TRPV2: variants seen among roughly 807,000 people sequenced by gnomAD.
The protein encoded by TRPV2 is OTRPC2.
TRPV2 carries 58 observed loss-of-function variants against 91.0 expected under a neutral mutation model. That is an observed-to-expected ratio of 0.64 (90% CI 0.52 to 0.79). The LOEUF (loss-of-function observed/expected upper bound fraction) is 0.79, where lower values mean the gene tolerates loss of function less well. TRPV2 is among the 30% of genes least tolerant of loss of function. The pLI is 0.00. For missense variants in TRPV2, 807 were observed against 969.6 expected (o/e 0.83, Z 2.23); for synonymous variants, 417 against 414.8 (o/e 1.01, Z -0.06).
chr17:16,427,311 T>C, intron 7 of TRPV2, 138 bp from the exon 8 acceptor site: 1 of 732,444 alleles, frequency 1.4e-6, no homozygotes, highest in East Asian at 2.6e-5. Context: ...GGTCCTTCCC[T>C]GGAGCCCATG....
At chr17:16,429,113 G>C (rs1033899898) in intron 10 of TRPV2, 131 bp downstream of exon 10, 2 of 1,035,894 alleles carry the variant, frequency 1.9e-6, no homozygotes, top group African/African-American at 1.6e-5. Context: ...GATGCTTGCT[G>C]GATGGAAGCT....
In TRPV2 at chr17:16,431,857, G is replaced by T. The variant is rs747857119; in HGVS notation, c.1654+7G>T. 1.9e-6 allele frequency: 3 copies of T among 1,614,020 alleles called. No individual in the cohort carries two copies. The highest frequency in any genetic ancestry group is 3.3e-5 in the Admixed American group (2 of 60,006). The stretch of plus-strand genomic sequence containing the variant: ...CTTTTCGGCTTCGCTGTAGGTAAAG[G>T]CTCCCTCCGGCCCCCTCCCCCTTCC... On this transcript the variant is annotated splice_region_variant and intron_variant, in intron 11 of 14. Coordinates refer to ENST00000338560, the MANE Select transcript of TRPV2 (RefSeq NM_016113.5).
In TRPV2 at chr17:16,426,923, T is replaced by G. The variant is rs781691649; in HGVS notation, c.1251+46T>G. On this transcript the variant is annotated intron_variant, in intron 7 of 14. Transcript: ENST00000338560. This position sits in a 1 kb window ranked among gnomAD's most constrained non-coding sequence, Gnocchi z 6.0. ...GGGGCACATCTTGGGGGAGGCCTGC[T>G]TGAAACAACCCTGGGGGAAGATGGG... The G allele has an allele frequency of 1.9e-6, 3 of 1,589,470 alleles. No homozygotes were observed. The Admixed American group carries it at 5.2e-5, about 27-fold the overall frequency.
intron 2 of TRPV2, chr17:16,419,311 C>A (rs1347268647): frequency 4.2e-6 from 2 of 470,776 alleles, no homozygotes; most frequent in Non-Finnish European, 8.8e-6. Flanking sequence ...GACAAGCTAC[C>A]AGATCCCTTC....
At chr17:16,421,005 A>G (rs1023420389) in intron 3 of TRPV2, among the ~76,000 whole-genome samples, 9 of 152,204 alleles carry the variant, frequency 5.9e-5, no homozygotes, top group African/African-American at 2.2e-4. Flanking sequence ...TCCTCCACTT[A>G]ATACATCTTG....
In TRPV2 at chr17:16,432,043, A is replaced by G. The variant is rs574882929; in HGVS notation, c.1732A>G (p.Met578Val). The G allele has an allele frequency of 1.3e-3, 2,178 of 1,613,648 alleles. 39 individuals carry two copies. In the South Asian group the frequency reaches 0.022, roughly 17 times the overall value. Residue 578 changes from methionine (M) to valine (V), a missense_variant, in exon 12 of 15, where the codon ATG (methionine) becomes GTG (valine). Transcript: ENST00000338560. ...GPNATESVQP[M>V]EGQEDEGNGA... Reference sequence around the variant, plus strand: ...CAATGCCACAGAGTCAGTGCAGCCCATGGAGGGACAGGAGGACGAGGGCAA... The same window carrying G: ...CAATGCCACAGAGTCAGTGCAGCCCGTGGAGGGACAGGAGGACGAGGGCAA...
Position 16,423,480 on chromosome 17 carries a change from C to A in TRPV2, c.637C>A (p.Leu213Ile). Reference sequence around the variant, plus strand: ...CTCTTGGCCTGCAGGTGAGCTACCCCTCTCTTTGGCCGCTTGCACCAAGCA... The same window carrying A: ...CTCTTGGCCTGCAGGTGAGCTACCCATCTCTTTGGCCGCTTGCACCAAGCA... Reference protein sequence around the residue: ...GTCFYFGELPLSLAACTKQWD... With the variant: ...GTCFYFGELPISLAACTKQWD... The change falls in exon 5 of 15, where the codon CTC becomes ATC. Residue 213 changes from leucine to isoleucine, a missense_variant. Physicochemically the swap from Leu to Ile is conservative, Grantham distance 5 (BLOSUM62 2). Transcript: ENST00000338560. 6.2e-7 allele frequency: 1 copy of A among 1,606,468 alleles called. No individual in the cohort carries two copies. The highest frequency in any genetic ancestry group is 8.5e-7 in the Non-Finnish European group (1 of 1,175,124).
intron 2 of TRPV2, chr17:16,419,497 G>C: frequency 4.4e-6 from 2 of 450,988 alleles, no homozygotes; most frequent in South Asian, 3.1e-5. Flanking sequence ...AAACAGCCCT[G>C]CTGAGATTCC....
intron 8 of TRPV2, among the ~76,000 whole-genome samples, chr17:16,427,948 G>A (rs552934084): frequency 4.6e-5 from 7 of 152,300 alleles, no homozygotes; most frequent in Middle Eastern, 3.4e-3. Context: ...TAAGCCTGCA[G>A]GACACAGGCT....
chr17:16,431,588 C>T (rs1239665422), intron 10 of TRPV2, among the ~76,000 whole-genome samples, 196 bp from the exon 11 acceptor site: 1 of 151,962 alleles, frequency 6.6e-6, no homozygotes, highest in Non-Finnish European at 1.5e-5. Context: ...CATGAGCCAC[C>T]GCACCCAGCC....
rs1474296986 is a variant in TRPV2, at chr17:16,432,038, A to G, written c.1727A>G (p.Gln576Arg). ...PTGPNATESV[Q>R]PMEGQEDEGN... ...GGCCCCAATGCCACAGAGTCAGTGC[A>G]GCCCATGGAGGGACAGGAGGACGAG... Residue 576 changes from glutamine (Q) to arginine (R), a missense_variant, in exon 12 of 15, where the codon CAG (glutamine) becomes CGG (arginine). By Grantham distance (43) the Gln-to-Arg change is conservative. Coordinates refer to ENST00000338560, the MANE Select transcript of TRPV2 (RefSeq NM_016113.5). 2.5e-5 allele frequency: 40 copies of G among 1,613,146 alleles called. No individual in the cohort carries two copies. Among genetic ancestry groups the G allele is most frequent in the Non-Finnish European group, 3.4e-5 (40 of 1,179,346 alleles).
At chr17:16,420,480 T>A (rs2093351733) in intron 3 of TRPV2, among the ~76,000 whole-genome samples, 1 of 152,212 alleles carries the variant, frequency 6.6e-6, no homozygotes. Flanking sequence ...GCTACCTCTG[T>A]CACCCCTAGC....
chr17:16,436,779 C>A lies in TRPV2; in HGVS notation c.2195-10C>A. On this transcript the variant is annotated splice_polypyrimidine_tract_variant and intron_variant, in intron 14 of 14. Coordinates refer to ENST00000338560, the MANE Select transcript of TRPV2 (RefSeq NM_016113.5). ...AGGGTTAAGCTACAGTGCTTGCCATCTGTTTACAGGAACTCTCGAGAACCC... is the reference window on the plus strand; with the variant it reads ...AGGGTTAAGCTACAGTGCTTGCCATATGTTTACAGGAACTCTCGAGAACCC... 1.2e-6 allele frequency: 2 copies of A among 1,605,548 alleles called. No homozygotes were observed. The highest frequency in any genetic ancestry group is 1.7e-6 in the Non-Finnish European group (2 of 1,172,242).
chr17:16,419,151 C>G (rs1292155764), intron 2 of TRPV2, among the ~76,000 whole-genome samples: 1 of 152,180 alleles, frequency 6.6e-6, no homozygotes, highest in East Asian at 1.9e-4. Context: ...CAAATAGCAC[C>G]CCCTGTTCTT....
chr17:16,417,648 G>C lies in TRPV2; in HGVS notation c.-21G>C. The C allele has an allele frequency of 6.2e-7, 1 of 1,613,030 alleles. No homozygotes were observed. Among genetic ancestry groups the C allele is most frequent in the Non-Finnish European group, 8.5e-7 (1 of 1,179,506 alleles). On this transcript the variant is annotated 5_prime_UTR_variant, in exon 2 of 15. Transcript: ENST00000338560. ...TCTGCACAGAGGTCCTGGCTGGACC[G>C]AGCAGCCTCCTCCTCCTAGGATGAC...
chr17:16,428,800 AT>A lies in TRPV2; in HGVS notation c.1422-15del, dbSNP rs1568916092. The stretch of plus-strand genomic sequence containing the variant: ...CCAAGTGGCCCGCAAGCCCACCTGG[AT>A]TCTGCTCCCACACAGCCTGTTCCAG... On this transcript the variant is annotated splice_polypyrimidine_tract_variant and intron_variant, in intron 9 of 14. Transcript: ENST00000338560. The A allele has an allele frequency of 6.2e-7, 1 of 1,612,494 alleles. No homozygotes were observed. The highest frequency in any genetic ancestry group is 1.1e-5 in the South Asian group (1 of 90,996).
Position 16,433,660 on chromosome 17 carries a change from T to C in TRPV2, c.2076T>C (p.Thr692=). ...QRAGVMLTVG[T]KPDGSPDERW... is the part of the protein sequence containing the mutation. ...CAGGTGTGATGCTGACCGTTGGCAC[T>C]AAGCCAGATGGCAGCCCCGATGAGC... Residue 692 remains threonine (T), a synonymous_variant, in exon 13 of 15, where the codon ACT becomes ACC. Coordinates refer to ENST00000338560, the MANE Select transcript of TRPV2 (RefSeq NM_016113.5). 1.2e-6 allele frequency: 2 copies of C among 1,614,158 alleles called. No individual in the cohort carries two copies. Among genetic ancestry groups the C allele is most frequent in the Non-Finnish European group, 1.7e-6 (2 of 1,180,022 alleles).
intron 10 of TRPV2, among the ~76,000 whole-genome samples, chr17:16,431,275 ATATATATATATACATATTTTTT>A (rs2093409185): frequency 1.3e-5 from 1 of 74,810 alleles, no homozygotes. Context: ...ATATATATAT[ATATATATATATACATATTTTTT>A]TTTTTTTTTT....
chr17:16,428,720 GC>G, intron 9 of TRPV2, 96 bp from the exon 10 acceptor site: 1 of 1,418,124 alleles, frequency 7.1e-7, no homozygotes, highest in Non-Finnish European at 9.7e-7. Context: ...TAAATGTCTT[GC>G]CTAAGATGGA....
Sources: allele counts gnomAD v4.1 joint callset (sites outside exome capture counted in the v4.1 genomes callset), GRCh38; gene constraint gnomAD v4.1.1; non-coding constraint Gnocchi (gnomAD v3.1); transcripts MANE v1.5; gene names NCBI Gene and HGNC (gene_info 2026-07-23, HGNC 2026-07-21).